Variants in CCDC73 observed in about 807,000 individuals in gnomAD.
CCDC73 encodes coiled-coil domain-containing protein 73.
A neutral mutation model predicts 116.5 loss-of-function variants in CCDC73; 95 were observed. That is an observed-to-expected ratio of 0.82 (90% confidence interval 0.69 to 0.97). The LOEUF (loss-of-function observed/expected upper bound fraction) is 0.97. Ranked by LOEUF, CCDC73 falls within the 50% of genes least tolerant of loss-of-function variation. The pLI is 0.00. For synonymous variants in CCDC73, 398 were observed against 401.3 expected (o/e 0.99, Z 0.10); for missense variants, 1,066 against 1,206.8 (o/e 0.88, Z 1.73).
At chr11:32,721,226 T>C (rs1018727925) in intron 2 of CCDC73, among the ~76,000 whole-genome samples, 1 of 152,164 alleles carries the variant, frequency 6.6e-6, no homozygotes, top group Admixed American at 6.5e-5. Flanking sequence ...GGTTTTACCA[T>C]GTTGGCCAGG....
chr11:32,607,294 G>A (rs1008139204), intron 17 of CCDC73, among the ~76,000 whole-genome samples: 32 of 148,194 alleles, frequency 2.2e-4, no homozygotes, highest in African/African-American at 5.5e-4. Context: ...GGGTTTCACC[G>A]TTTTAGCCGG....
chr11:32,725,550 C>G (rs1253383999), intron 2 of CCDC73, among the ~76,000 whole-genome samples: 1 of 152,162 alleles, frequency 6.6e-6, no homozygotes, highest in Non-Finnish European at 1.5e-5. Context: ...ATTTTGCTAT[C>G]TAACCCTTTA....
At chr11:32,624,289 G>A (rs1048027986) in intron 14 of CCDC73, among the ~76,000 whole-genome samples, 14 of 152,012 alleles carry the variant, frequency 9.2e-5, no homozygotes, top group Admixed American at 2.0e-4. Context: ...GCAGTAAGCC[G>A]AGATGATGCT....
intron 1 of CCDC73, among the ~76,000 whole-genome samples, chr11:32,780,113 A>T (rs1424836298): frequency 6.6e-6 from 1 of 152,014 alleles, no homozygotes; most frequent in African/African-American, 2.4e-5. Flanking sequence ...ATCTCTACTA[A>T]AAATACAAAA....
chr11:32,624,557 G>T (rs1251150975), intron 14 of CCDC73, among the ~76,000 whole-genome samples: 1 of 151,876 alleles, frequency 6.6e-6, no homozygotes, highest in Non-Finnish European at 1.5e-5. Flanking sequence ...GACTTAGAAA[G>T]ATATCCACTA....
rs545442300 is a variant in CCDC73, at chr11:32,765,395, C to CAG, written c.-15-5138_-15-5137insCT. Reference sequence around the variant, plus strand: ...GCACTCCTCAGCAAATGTAAAAGAACAAATTATAACAAACTGTCTCTCAAA... The same window carrying CAG: ...GCACTCCTCAGCAAATGTAAAAGAACAGAAATTATAACAAACTGTCTCTCAAA... On this transcript the variant is annotated intron_variant, in intron 1 of 17. Coordinates refer to ENST00000335185, the MANE Select transcript of CCDC73 (RefSeq NM_001008391.4). Among the ~76,000 whole-genome samples, 165 of 151,668 alleles carry CAG rather than the reference C, an allele frequency of 1.1e-3. 4 individuals are homozygous for CAG. The South Asian group carries it at 0.033, about 31-fold the overall frequency.
chr11:32,652,780 T>C (rs1855837809), intron 12 of CCDC73, among the ~76,000 whole-genome samples: 1 of 152,092 alleles, frequency 6.6e-6, no homozygotes, highest in Non-Finnish European at 1.5e-5. Context: ...TTAAACTGAG[T>C]TGACACTTTC....
intron 2 of CCDC73, among the ~76,000 whole-genome samples, chr11:32,719,065 A>C (rs995540043): frequency 2.0e-5 from 3 of 152,232 alleles, no homozygotes; most frequent in Non-Finnish European, 4.4e-5. Flanking sequence ...GAGAGCTGCA[A>C]AGACAGAGTT....
intron 1 of CCDC73, among the ~76,000 whole-genome samples, chr11:32,768,444 A>G (rs1208950206): frequency 1.3e-5 from 2 of 152,226 alleles, no homozygotes; most frequent in African/African-American, 4.8e-5. Context: ...CACGTTGTGC[A>G]CATGCATCCT....
At chr11:32,687,723 CAAT>C (rs1856215065) in intron 6 of CCDC73, among the ~76,000 whole-genome samples, 1 of 151,970 alleles carries the variant, frequency 6.6e-6, no homozygotes. Flanking sequence ...GGTGTGAGAA[CAAT>C]GACACTCCAA....
rs182211530 is a variant in CCDC73, at chr11:32,760,119, C to T, written c.125G>A (p.Arg42His). The T allele has an allele frequency of 1.1e-4, 177 of 1,599,050 alleles. No individual in the cohort carries two copies. The highest frequency in any genetic ancestry group is 1.4e-4 in the Non-Finnish European group (168 of 1,174,318). The change falls in exon 2 of 18, where the codon CGT (arginine) becomes CAT (histidine). Residue 42 changes from arginine (R) to histidine (H), a missense_variant. Transcript: ENST00000335185. ...TAAAAAGGAGCTTACCCTTCTCATA[C>T]GCAATTCTTCTAATGCCTCCAGTAA... ...TSLLEALEEL[R>H]MRREAEIHYE...
intron 2 of CCDC73, among the ~76,000 whole-genome samples, chr11:32,731,278 G>C (rs1374523977): frequency 6.6e-6 from 1 of 152,180 alleles, no homozygotes; most frequent in East Asian, 1.9e-4. Flanking sequence ...TGGCCAGGAA[G>C]CTCAAACTGA....
chr11:32,812,099 G>T, the CCDC73 span, among the ~76,000 whole-genome samples: 43 of 152,100 alleles, frequency 2.8e-4, 1 homozygote, highest in Non-Finnish European at 4.6e-4. Context: ...TGGTTTTCTG[G>T]ATATATTTTT....
chr11:32,818,885 T>C, the CCDC73 span, among the ~76,000 whole-genome samples: 1 of 152,050 alleles, frequency 6.6e-6, no homozygotes, highest in South Asian at 2.1e-4. Context: ...AGAAAGTAGG[T>C]TGGTGGTTGC....
At chr11:32,611,050 G>A in intron 17 of CCDC73, 82 bp downstream of exon 17, 2 of 1,325,274 alleles carry the variant, frequency 1.5e-6, no homozygotes, top group East Asian at 2.5e-5. Flanking sequence ...AGGTCTTAAA[G>A]CATCCAGATG....
chr11:32,610,012 A>C (rs1855405635), intron 17 of CCDC73, among the ~76,000 whole-genome samples: 1 of 148,582 alleles, frequency 6.7e-6, no homozygotes, highest in South Asian at 2.1e-4. Flanking sequence ...GATGGTCTCG[A>C]TCTCCTGACC....
At chr11:32,810,539 C>A in the CCDC73 span, among the ~76,000 whole-genome samples, 1 of 152,132 alleles carries the variant, frequency 6.6e-6, no homozygotes, top group Non-Finnish European at 1.5e-5. Context: ...ATTCAGCACG[C>A]CCTTTAAAGA....
At chr11:32,739,899 G>A (rs550624106) in intron 2 of CCDC73, among the ~76,000 whole-genome samples, 24 of 151,770 alleles carry the variant, frequency 1.6e-4, no homozygotes, top group Middle Eastern at 3.4e-3. Context: ...ATGAAGGGAC[G>A]TTGAATTTTA....
At chr11:32,668,148 G>A (rs1037451706) in intron 9 of CCDC73, among the ~76,000 whole-genome samples, 7 of 152,150 alleles carry the variant, frequency 4.6e-5, no homozygotes, top group East Asian at 1.9e-4. Flanking sequence ...CTACTAAGCC[G>A]AATTCAAGGG....
Sources: gnomAD v4.1 joint callset for allele counts (sites outside exome capture counted in the v4.1 genomes callset) on GRCh38, gnomAD v4.1.1 for gene constraint, MANE v1.5 for transcripts, NCBI Gene and HGNC (gene_info 2026-07-23, HGNC 2026-07-21) for gene names.